SF1: variants seen among roughly 807,000 people sequenced by gnomAD.
SF1 encodes the protein splicing factor 1.
In SF1, 7 loss-of-function variants were observed where a neutral mutation model predicts 62.5. The observed-to-expected ratio is 0.11, with a 90% CI of 0.06 to 0.21. The LOEUF is 0.21. Ranked by LOEUF, SF1 falls within the 10% of genes least tolerant of loss-of-function variation. SF1 has a pLI of 1.00. For missense variants in SF1, 578 were observed against 884.0 expected (o/e 0.65, Z 4.39); for synonymous variants, 394 against 323.6 (o/e 1.22, Z -2.33).
At position 64,765,535 on chromosome 11, in the gene SF1, G is replaced by C. The variant is rs1166415934; in HGVS notation, c.*283C>G. 3 of 1,604,634 alleles carry C rather than the reference G, an allele frequency of 1.9e-6. No homozygotes were observed. On this transcript the variant is annotated 3_prime_UTR_variant, in exon 13 of 13. Coordinates refer to ENST00000377390, the MANE Select transcript of SF1 (RefSeq NM_004630.4). ...GGAGGGATCCTGGCGGCCCGGTTTG[G>C]GGAGAGGCAAAGGGAGTTGGGTGAG... is the stretch of plus-strand genomic sequence containing the variant.
chr11:64,773,298 A>G, intron 3 of SF1, 132 bp downstream of exon 3: 1 of 1,467,806 alleles, frequency 6.8e-7, no homozygotes, highest in Admixed American at 3.2e-5. Context: ...TTAAACCTTA[A>G]TCCCCAAAGT....
At chr11:64,769,637 T>C (rs1456655125) in intron 5 of SF1, 28 bp from the exon 6 acceptor site, 7 of 1,592,822 alleles carry the variant, frequency 4.4e-6, no homozygotes, top group Non-Finnish European at 5.1e-6. Flanking sequence ...ACTAAGTTTA[T>C]ACCTGACAAA....
Position 64,778,481 on chromosome 11 carries a change from C to T in SF1, c.-89G>A, listed in dbSNP as rs1281802135. The T allele has an allele frequency of 1.7e-6, 2 of 1,196,396 alleles. No individual in the cohort carries two copies. The highest frequency in any genetic ancestry group is 2.1e-6 in the Non-Finnish European group (2 of 964,580). The allele number at this position is 1,196,396 out of a possible 1,614,324, so 74.1% of individuals were successfully genotyped here. A position where few individuals can be genotyped will look rare whatever the true frequency, so the allele number is the denominator to read the frequency against. Reference sequence around the variant, plus strand: ...CTCCCGGGGGGAGGGGACCCGAATGCGCTGCCGGAGCGCGCGGAGCCCGTC... The same window carrying T: ...CTCCCGGGGGGAGGGGACCCGAATGTGCTGCCGGAGCGCGCGGAGCCCGTC... On this transcript the variant is annotated 5_prime_UTR_variant, in exon 1 of 13. Transcript: ENST00000377390.
chr11:64,777,868 CTCCCCGTGCGCGCACGCGCGCCCCT>C (rs1393504571), intron 1 of SF1: 29 of 936,236 alleles, frequency 3.1e-5, no homozygotes, highest in South Asian at 9.7e-5. Context: ...CCGCCCGGGC[CTCCCCGTGCGCGCACGCGCGCCCCT>C]GCCGCGTGCA....
In SF1 at chr11:64,765,926, CGGA is replaced by C. The variant is rs755241821; in HGVS notation, c.1809_1811del (p.Pro606del). On this transcript the variant is annotated inframe_deletion, in exon 13 of 13. Transcript: ENST00000377390. ...CAAAGTTAGAAGGGTCCATGGGAGG[CGGA>C]GGAGGAGGGGGCGGGGCATACATCA... The C allele has an allele frequency of 4.3e-5, 64 of 1,485,880 alleles. No homozygotes were observed. The highest frequency in any genetic ancestry group is 2.0e-4 in the Middle Eastern group (1 of 4,980). 92.0% of individuals were successfully genotyped at this position (1,485,880 alleles called of 1,614,324 possible).
At chr11:64,777,354 G>A (rs922339156) in intron 1 of SF1, 11 of 296,792 alleles carry the variant, frequency 3.7e-5, no homozygotes, top group African/African-American at 2.3e-4. Flanking sequence ...AGAGGGAAAA[G>A]CTTTTTAAAA....
At position 64,778,534 on chromosome 11, in the gene SF1, G is replaced by C. The variant is rs891857745; in HGVS notation, c.-142C>G. 9 of 1,197,462 alleles carry C rather than the reference G, an allele frequency of 7.5e-6. No individual in the cohort carries two copies. Among genetic ancestry groups the C allele is most frequent in the Non-Finnish European group, 9.3e-6 (9 of 964,260 alleles). 74.2% of individuals were successfully genotyped at this position (1,197,462 alleles called of 1,614,324 possible). ...CTCACGCGGCGGGCGGCGGCGGCGC[G>C]AGACGCACAAAGAGGGAGGAGAGAG... On this transcript the variant is annotated 5_prime_UTR_variant, in exon 1 of 13. Transcript: ENST00000377390.
chr11:64,765,960 G>A lies in SF1; in HGVS notation c.1778C>T (p.Ala593Val), dbSNP rs780020627. The A allele has an allele frequency of 1.9e-6, 3 of 1,589,656 alleles. No homozygotes were observed. The highest frequency in any genetic ancestry group is 2.6e-6 in the Non-Finnish European group (3 of 1,168,188). The change falls in exon 13 of 13, where the codon GCC (alanine) becomes GTC (valine). Residue 593 changes from alanine (A) to valine (V), a missense_variant. Ala to Val is a moderately conservative substitution (Grantham distance 64). Coordinates refer to ENST00000377390, the MANE Select transcript of SF1 (RefSeq NM_004630.4). ...PPPPPPPPGSAGMMYAPPPPP... is the reference protein window; with the variant it reads ...PPPPPPPPGSVGMMYAPPPPP... Reference sequence around the variant, plus strand: ...AGGGGGCGGGGCATACATCATGCCGGCGGAACCAGGCGGTGGAGGCGGCGG... The same window carrying A: ...AGGGGGCGGGGCATACATCATGCCGACGGAACCAGGCGGTGGAGGCGGCGG...
At chr11:64,770,081 AC>A in intron 4 of SF1, 28 bp from the exon 5 acceptor site, 1 of 1,594,222 alleles carries the variant, frequency 6.3e-7, no homozygotes, top group Non-Finnish European at 8.6e-7. Context: ...GTGTCACCGC[AC>A]ATTTCTGGAG....
In SF1 at chr11:64,769,147, G is replaced by C; in HGVS notation, c.780-18C>G. On this transcript the variant is annotated intron_variant, in intron 7 of 12. Coordinates refer to ENST00000377390, the MANE Select transcript of SF1 (RefSeq NM_004630.4). ...TTAAGATCCTATTAAAGGAAAAAGA[G>C]GTCAATGCAAGGGAACAATCTCTAC... 6.2e-7 allele frequency: 1 copy of C among 1,611,914 alleles called. No individual in the cohort carries two copies. The highest frequency in any genetic ancestry group is 8.5e-7 in the Non-Finnish European group (1 of 1,178,004).
At chr11:64,775,982 G>C (rs909687967) in intron 2 of SF1, 9 of 157,482 alleles carry the variant, frequency 5.7e-5, no homozygotes, top group Non-Finnish European at 1.1e-4. Context: ...TTAAATTCAA[G>C]AAAATAAAAA....
chr11:64,777,946 C>G, intron 1 of SF1: 1 of 985,072 alleles, frequency 1.0e-6, no homozygotes, highest in Non-Finnish European at 1.2e-6. Flanking sequence ...CGGCCGGGCC[C>G]GTCCGCGCGA....
At chr11:64,777,900 T>TGCAGCCGCCGTCGCCGCCGCCGCGC (rs1939617497) in intron 1 of SF1, 2 of 944,844 alleles carry the variant, frequency 2.1e-6, no homozygotes, top group Admixed American at 6.4e-5. Context: ...CCCTGCCGCG[T>TGCAGCCGCCGTCGCCGCCGCCGCGC]GCAGCCGCCG....
At chr11:64,766,405 G>A (rs2135881032) in intron 12 of SF1, 2 of 570,864 alleles carry the variant, frequency 3.5e-6, no homozygotes, top group South Asian at 2.1e-5. Context: ...AGGGCTGAGG[G>A]GAAGGTACCA....
intron 1 of SF1, chr11:64,777,456 A>G: frequency 2.0e-6 from 2 of 976,272 alleles, no homozygotes; most frequent in Non-Finnish European, 2.4e-6. Context: ...CCCAAAAGAG[A>G]CCAAGAAAGA....
At chr11:64,776,117 G>A (rs559637868) in intron 2 of SF1, 10 of 162,930 alleles carry the variant, frequency 6.1e-5, no homozygotes, top group African/African-American at 2.4e-4. Flanking sequence ...GAAAGGCCAC[G>A]CTGTGAAAAG....
In SF1 at chr11:64,770,005, C is replaced by T. The variant is rs142290906; in HGVS notation, c.438G>A (p.Glu146=). 68 of 1,614,100 alleles carry T rather than the reference C, an allele frequency of 4.2e-5. No homozygotes were observed. The African/African-American group carries it at 8.4e-4, about 20-fold the overall frequency. The change falls in exon 5 of 13, where the codon GAG becomes GAA. Residue 146 remains glutamate, a synonymous_variant. Transcript: ENST00000377390. ...GCCCCACAAAGTTGATTTCTGGGTA[C>T]TCATCTTGTGGAATCATGACTTTAT... ...VSDKVMIPQD[E]YPEINFVGLL...
intron 8 of SF1, 86 bp downstream of exon 8, chr11:64,768,936 A>T (rs778495467): frequency 2.2e-6 from 2 of 892,264 alleles, no homozygotes; most frequent in Non-Finnish European, 3.8e-6. Flanking sequence ...TTCTCTTGGT[A>T]AGATTAACAG....
intron 12 of SF1, 88 bp from the exon 13 acceptor site, chr11:64,766,243 G>A: frequency 1.6e-5 from 11 of 704,774 alleles, no homozygotes; most frequent in South Asian, 1.4e-4. Context: ...GGCGAGGGGC[G>A]CCTGCTCCTT....
Sources: allele counts gnomAD v4.1 joint callset, GRCh38; gene constraint gnomAD v4.1.1; transcripts MANE v1.5; gene names NCBI Gene and HGNC (gene_info 2026-07-23, HGNC 2026-07-21).